KANK4: variants seen among roughly 807,000 people sequenced by gnomAD.
KANK4 encodes KN motif and ankyrin repeat domains 4.
In KANK4, 50 loss-of-function variants were observed where a neutral mutation model predicts 80.8. The ratio of observed to expected loss-of-function variants is 0.62; its 90% confidence interval spans 0.49 to 0.78. The LOEUF (loss-of-function observed/expected upper bound fraction) is 0.78. Ranked by LOEUF, KANK4 falls within the 30% of genes least tolerant of loss-of-function variation. The pLI is 0.00. For synonymous variants in KANK4, 465 were observed against 506.9 expected (o/e 0.92, Z 1.11); for missense variants, 1,196 against 1,240.1 (o/e 0.96, Z 0.53).
chr1:62,238,457 A>G (rs1671259682), intron 9 of KANK4, 76 bp from the exon 10 acceptor site: 1 of 1,270,624 alleles, frequency 7.9e-7, no homozygotes. Context: ...GCAAGTTGGG[A>G]GTAGAGGGTA....
chr1:62,251,274 G>A (rs185960055), intron 8 of KANK4, among the ~76,000 whole-genome samples: 16 of 152,224 alleles, frequency 1.1e-4, no homozygotes, highest in African/African-American at 2.9e-4. Context: ...CTACTGCTTC[G>A]GCTGTGGGTA....
intron 1 of KANK4, among the ~76,000 whole-genome samples, chr1:62,314,332 C>G (rs1644522241): frequency 6.6e-6 from 1 of 152,120 alleles, no homozygotes; most frequent in African/African-American, 2.4e-5. Flanking sequence ...TCTTTTAAAC[C>G]TTTCCCCAGG....
At chr1:62,249,036 T>C (rs182626017) in intron 8 of KANK4, among the ~76,000 whole-genome samples, 2,205 of 147,760 alleles carry the variant, frequency 0.015, 27 homozygotes, top group Non-Finnish European at 0.022. Context: ...TAGCTAGGTA[T>C]GGTGGCGGGC....
At chr1:62,265,616 G>A (rs1672000319) in intron 6 of KANK4, among the ~76,000 whole-genome samples, 1 of 152,182 alleles carries the variant, frequency 6.6e-6, no homozygotes, top group Admixed American at 6.5e-5. Context: ...AGTTGGGTAA[G>A]AAATAAATGC....
chr1:62,253,031 A>C (rs766678111), intron 8 of KANK4, 36 bp downstream of exon 8: 1 of 1,609,092 alleles, frequency 6.2e-7, no homozygotes, highest in Admixed American at 1.7e-5. Flanking sequence ...GTGCCCCTGC[A>C]TTTACTGAAG....
Position 62,247,492 on chromosome 1 carries a change from C to G in KANK4, c.2863G>C (p.Asp955His). ...CTCACCTTGTCAGTCAGGCTGCTGT[C>G]GCAGGCTGGGTGTGCCAGGAGCAGC... ...VRLLLAHPAC[D>H]SSLTDKAGRT... Residue 955 changes from aspartate (D) to histidine (H), a missense_variant, in exon 9 of 10, where the codon GAC becomes CAC. Physicochemically the swap from Asp to His is moderately conservative, Grantham distance 81 (BLOSUM62 -1). Coordinates refer to ENST00000371153, the MANE Select transcript of KANK4 (RefSeq NM_181712.5). The G allele has an allele frequency of 1.2e-6, 2 of 1,613,972 alleles. No individual in the cohort carries two copies. Among genetic ancestry groups the G allele is most frequent in the Non-Finnish European group, 1.7e-6 (2 of 1,180,030 alleles).
At chr1:62,244,550 G>A (rs1052164680) in intron 9 of KANK4, among the ~76,000 whole-genome samples, 7 of 152,040 alleles carry the variant, frequency 4.6e-5, no homozygotes, top group African/African-American at 1.7e-4. Context: ...TATTATAAGG[G>A]GGAGTTTTCC....
chr1:62,259,250 GAA>G (rs759190043), intron 7 of KANK4, among the ~76,000 whole-genome samples: 1 of 152,154 alleles, frequency 6.6e-6, no homozygotes, highest in East Asian at 1.9e-4. Context: ...TGGCAGAAAT[GAA>G]AAGAGGAATG....
chr1:62,294,212 G>A (rs1026501752), intron 1 of KANK4, among the ~76,000 whole-genome samples: 1 of 152,178 alleles, frequency 6.6e-6, no homozygotes, highest in African/African-American at 2.4e-5. Flanking sequence ...AAGTAGGAGC[G>A]AGTGGACTCA....
At chr1:62,255,942 GCC>G (rs1671742373) in intron 7 of KANK4, among the ~76,000 whole-genome samples, 1 of 152,176 alleles carries the variant, frequency 6.6e-6, no homozygotes, top group South Asian at 2.1e-4. Flanking sequence ...GAGTCACTAT[GCC>G]CAGCCTAATA....
At chr1:62,270,524 G>A (rs11207952) in intron 4 of KANK4, among the ~76,000 whole-genome samples, 57,712 of 151,452 alleles carry the variant, frequency 0.38, 11,101 homozygotes, top group South Asian at 0.56. Context: ...AGCTGGGACT[G>A]CAGGTGCATG....
chr1:62,316,700 T>C (rs891813318), intron 1 of KANK4, among the ~76,000 whole-genome samples: 2 of 152,210 alleles, frequency 1.3e-5, no homozygotes, highest in South Asian at 2.1e-4. Context: ...CTCAAAGATA[T>C]ATGCAATAAC....
At chr1:62,312,269 T>C (rs1644503634) in intron 1 of KANK4, among the ~76,000 whole-genome samples, 1 of 152,226 alleles carries the variant, frequency 6.6e-6, no homozygotes. Context: ...AAGGTATCTG[T>C]CGCAGCTAAA....
chr1:62,264,174 T>G, intron 6 of KANK4, among the ~76,000 whole-genome samples: 1 of 152,146 alleles, frequency 6.6e-6, no homozygotes, highest in South Asian at 2.1e-4. Context: ...TCCCAACACT[T>G]TGGGAGGCCG....
chr1:62,283,479 G>A (rs1672495106), intron 1 of KANK4, among the ~76,000 whole-genome samples: 1 of 152,200 alleles, frequency 6.6e-6, no homozygotes, highest in African/African-American at 2.4e-5. Flanking sequence ...GCCTGGGTTG[G>A]GAACAAAAGT....
At position 62,238,268 on chromosome 1, in the gene KANK4, C is replaced by T. The variant is rs761068420; in HGVS notation, c.*9G>A. 3.7e-6 allele frequency: 6 copies of T among 1,605,600 alleles called. No homozygotes were observed. Among genetic ancestry groups the T allele is most frequent in the Non-Finnish European group, 5.1e-6 (6 of 1,172,558 alleles). On this transcript the variant is annotated 3_prime_UTR_variant, in exon 10 of 10. Transcript: ENST00000371153. ...CTTTTGTTCCCCACGGCCAGTTCTT[C>T]TGCAGCCCCTACAGCCCCAGGGACC...
chr1:62,242,581 G>A (rs1224588764), intron 9 of KANK4, among the ~76,000 whole-genome samples: 1 of 151,970 alleles, frequency 6.6e-6, no homozygotes, highest in African/African-American at 2.4e-5. Context: ...TGAAGGGTGG[G>A]CTCTGGGACC....
At chr1:62,256,228 T>C (rs1407570686) in intron 7 of KANK4, among the ~76,000 whole-genome samples, 1 of 152,224 alleles carries the variant, frequency 6.6e-6, no homozygotes, top group Non-Finnish European at 1.5e-5. Flanking sequence ...TTCACTGTTA[T>C]TACTATTATT....
intron 1 of KANK4, among the ~76,000 whole-genome samples, chr1:62,304,709 GC>G (rs1291939081): frequency 2.0e-5 from 3 of 151,684 alleles, no homozygotes; most frequent in African/African-American, 7.3e-5. Context: ...CCGATTACCC[GC>G]CCCCTCGCCA....
Sources: gnomAD v4.1 joint callset for allele counts (sites outside exome capture counted in the v4.1 genomes callset) on GRCh38, gnomAD v4.1.1 for gene constraint, MANE v1.5 for transcripts, NCBI Gene and HGNC (gene_info 2026-07-23, HGNC 2026-07-21) for gene names.